Variants in CASD1 observed in about 807,000 individuals in gnomAD.
The protein encoded by CASD1 is CAS1 domain sialic acid O acetyltransferase 1.
In CASD1, 41 loss-of-function variants were observed where a neutral mutation model predicts 100.0. The ratio of observed to expected loss-of-function variants is 0.41; its 90% confidence interval spans 0.32 to 0.53. The LOEUF (loss-of-function observed/expected upper bound fraction) is 0.53. CASD1 is among the 20% of genes least tolerant of loss of function. The probability of loss-of-function intolerance (pLI) is 0.25; values close to 1 mark genes in which losing one functional copy is unlikely to be tolerated. For synonymous variants in CASD1, 321 were observed against 315.6 expected, an observed-to-expected ratio of 1.02 and a Z score of -0.18; for missense variants, 774 against 948.7, an observed-to-expected ratio of 0.82 and a Z score of 2.42.
chr7:94,517,520 T>A, intron 1 of CASD1, 40 bp from the exon 2 acceptor site: 1 of 1,300,234 alleles, frequency 7.7e-7, no homozygotes, highest in Non-Finnish European at 1.1e-6. Flanking sequence ...TGTAAAATTT[T>A]AACTATTGTT....
At position 94,555,824 on chromosome 7, in the gene CASD1, C is replaced by A. The variant is rs1796178493; in HGVS notation, c.*66C>A. The A allele has an allele frequency of 6.9e-7, 1 of 1,458,510 alleles. No individual in the cohort carries two copies. The highest frequency in any genetic ancestry group is 2.0e-5 in the Admixed American group (1 of 49,532). 90.3% of individuals were successfully genotyped at this position (1,458,510 alleles called of 1,614,324 possible). On this transcript the variant is annotated 3_prime_UTR_variant, in exon 18 of 18. Coordinates refer to ENST00000297273, the MANE Select transcript of CASD1 (RefSeq NM_022900.5). ...TTTGTGTGTCTCTAGAAGAGAAAAG[C>A]ATCTATCTGGAGATATAAATGTGTA...
At position 94,544,510 on chromosome 7, in the gene CASD1, G is replaced by C. The variant is rs1342554051; in HGVS notation, c.1456G>C (p.Gly486Arg). ...ATACTTTTGGATAAAAGGAGATTTTGGAATCTATAGAGTATGTCAGGTAGG... is the reference window on the plus strand; with the variant it reads ...ATACTTTTGGATAAAAGGAGATTTTCGAATCTATAGAGTATGTCAGGTAGG... ...FSYFWIKGDF[G>R]IYRVCQVLFR... The change falls in exon 11 of 18, where the codon GGA (glycine) becomes CGA (arginine). Residue 486 changes from glycine to arginine, a missense_variant. Around this residue, in one of 5 missense-constraint regions of CASD1, gnomAD observed 453 missense variants for 532.6 expected, o/e 0.85. Coordinates refer to ENST00000297273, the MANE Select transcript of CASD1 (RefSeq NM_022900.5). The C allele has an allele frequency of 6.2e-7, 1 of 1,612,614 alleles. No homozygotes were observed. Among genetic ancestry groups the C allele is most frequent in the Admixed American group, 1.7e-5 (1 of 59,934 alleles).
At chr7:94,563,809 C>A in the CASD1 span, among the ~76,000 whole-genome samples, 1 of 152,168 alleles carries the variant, frequency 6.6e-6, no homozygotes, top group South Asian at 2.1e-4. Context: ...TCTTTCTTTG[C>A]AGTAGGGAAT....
chr7:94,588,688 C>CCTGTAGT, the CASD1 span: 4 of 1,592,960 alleles, frequency 2.5e-6, no homozygotes, highest in Non-Finnish European at 3.4e-6. Context: ...TTAGCACTCA[C>CCTGTAGT]CTGTAGTCTG....
At chr7:94,529,806 G>C (rs1384482707) in intron 5 of CASD1, among the ~76,000 whole-genome samples, 1 of 152,154 alleles carries the variant, frequency 6.6e-6, no homozygotes, top group Non-Finnish European at 1.5e-5. Flanking sequence ...TAGACACTTA[G>C]GATAGGAGGT....
chr7:94,536,764 T>G (rs1027092402), intron 8 of CASD1, among the ~76,000 whole-genome samples: 1 of 152,202 alleles, frequency 6.6e-6, no homozygotes, highest in Admixed American at 6.5e-5. Context: ...ATGAAGTTTT[T>G]ATAAAACTAG....
the CASD1 span, among the ~76,000 whole-genome samples, chr7:94,575,931 A>G: frequency 2.0e-5 from 3 of 152,078 alleles, no homozygotes; most frequent in African/African-American, 4.8e-5. Context: ...TTGTCTTTCA[A>G]TAGTTTGATC....
chr7:94,563,422 CTAAT>C, the CASD1 span, among the ~76,000 whole-genome samples: 4 of 152,058 alleles, frequency 2.6e-5, no homozygotes, highest in Non-Finnish European at 4.4e-5. Context: ...GAAGCCATAA[CTAAT>C]TACTTACCAC....
chr7:94,628,004 A>G, the CASD1 span: 5 of 527,598 alleles, frequency 9.5e-6, no homozygotes, highest in East Asian at 1.5e-4. Flanking sequence ...TTAATATAAA[A>G]GCTGAAACAA....
the CASD1 span, among the ~76,000 whole-genome samples, chr7:94,582,412 T>G: frequency 6.6e-6 from 1 of 152,182 alleles, no homozygotes; most frequent in Admixed American, 6.5e-5. Context: ...CGTGAGCCAC[T>G]GCACCTGGCC....
chr7:94,627,015 T>C, the CASD1 span: 1 of 152,088 alleles, frequency 6.6e-6, no homozygotes, highest in African/African-American at 2.4e-5. Flanking sequence ...TTTATAACTT[T>C]TACTGAATAT....
chr7:94,521,453 G>A (rs867973350), intron 3 of CASD1, among the ~76,000 whole-genome samples: 15 of 152,088 alleles, frequency 9.9e-5, no homozygotes, highest in Admixed American at 4.6e-4. Context: ...TATGTCAAGG[G>A]TAAATGATCA....
the CASD1 span, chr7:94,628,357 C>T: frequency 2.7e-5 from 43 of 1,606,574 alleles, no homozygotes; most frequent in Middle Eastern, 3.4e-4. Flanking sequence ...TTACTAATCT[C>T]GCCTAGATAA....
rs71120400 is a variant in CASD1 at position 94,539,668 on chromosome 7, C to CAAAAAA, written c.1356+623_1356+628dup. The stretch of plus-strand genomic sequence containing the variant: ...TGGGTTGCAGAGTGAGACTCCGTCT[C>CAAAAAA]AAAAAAAAAAAAAAAAGAAAAAAGG... On this transcript the variant is annotated intron_variant, in intron 10 of 17. Transcript: ENST00000297273. 6.7e-5 allele frequency among the ~76,000 whole-genome samples: 8 copies of CAAAAAA among 119,750 alleles called. 1 individual carries two copies. Among genetic ancestry groups the CAAAAAA allele is most frequent in the Non-Finnish European group, 1.2e-4 (7 of 58,534 alleles). The allele number at this position is 119,750 out of a possible 152,430, so 78.6% of individuals were successfully genotyped here.
chr7:94,598,382 C>G, the CASD1 span: 2 of 218,768 alleles, frequency 9.1e-6, no homozygotes, highest in Non-Finnish European at 1.8e-5. Flanking sequence ...TTACAAAGGT[C>G]TATGGTAATA....
In CASD1 at chr7:94,556,159, A is replaced by C. The variant is rs1446050687; in HGVS notation, c.*401A>C. 1 of 166,770 alleles carries C rather than the reference A, an allele frequency of 6.0e-6. No individual in the cohort carries two copies. The highest frequency in any genetic ancestry group is 2.4e-5 in the African/African-American group (1 of 41,616). The allele number at this position is 166,770 out of a possible 1,614,324, so 10.3% of individuals were successfully genotyped here. ...TGATATAACTAAATTTGTGGTAATA[A>C]GACTGTCTGCACCTGTATTCATTGT... On this transcript the variant is annotated 3_prime_UTR_variant, in exon 18 of 18. Transcript: ENST00000297273.
At chr7:94,544,043 A>G (rs958272829) in intron 10 of CASD1, among the ~76,000 whole-genome samples, 2 of 152,342 alleles carry the variant, frequency 1.3e-5, no homozygotes, top group African/African-American at 2.4e-5. Context: ...ACAGTTAATT[A>G]TAGCTATCAT....
intron 4 of CASD1, among the ~76,000 whole-genome samples, chr7:94,527,937 GCA>G (rs2116274018): frequency 6.6e-6 from 1 of 152,260 alleles, no homozygotes; most frequent in South Asian, 2.1e-4. Flanking sequence ...CAGGGGCATA[GCA>G]AGATCAGATT....
At chr7:94,610,553 A>G in the CASD1 span, among the ~76,000 whole-genome samples, 3 of 152,238 alleles carry the variant, frequency 2.0e-5, no homozygotes, top group African/African-American at 7.2e-5. Context: ...TAAAACTATT[A>G]AACTCTGAGA....
Sources: gnomAD v4.1 joint callset for allele counts (sites outside exome capture counted in the v4.1 genomes callset) on GRCh38, gnomAD v4.1.1 for gene constraint, gnomAD v4.1.1 regional missense constraint, MANE v1.5 for transcripts, NCBI Gene and HGNC (gene_info 2026-07-23, HGNC 2026-07-21) for gene names.